Variants in ZSWIM5 observed in about 807,000 individuals in gnomAD.
ZSWIM5 encodes the protein zinc finger SWIM-type containing 5.
A neutral mutation model predicts 119.6 loss-of-function variants in ZSWIM5; 55 were observed. That is an observed-to-expected ratio of 0.46 (90% CI 0.37 to 0.58). The LOEUF (loss-of-function observed/expected upper bound fraction) is 0.58. ZSWIM5 is among the 20% of genes least tolerant of loss of function. The pLI is 0.00. For missense variants in ZSWIM5, 1,193 were observed against 1,512.8 expected, an observed-to-expected ratio of 0.79 and a Z score of 3.51; for synonymous variants, 537 against 606.9, an observed-to-expected ratio of 0.88 and a Z score of 1.69.
At chr1:45,036,011 C>G in intron 9 of ZSWIM5, 28 bp downstream of exon 9, 1 of 1,605,398 alleles carries the variant, frequency 6.2e-7, no homozygotes, top group African/African-American at 1.3e-5. Flanking sequence ...GCCAAAGACA[C>G]CGTGACAAGA....
At chr1:45,176,342 C>T (rs189502169) in intron 1 of ZSWIM5, among the ~76,000 whole-genome samples, 10 of 152,048 alleles carry the variant, frequency 6.6e-5, no homozygotes, top group Middle Eastern at 3.4e-3. Context: ...TGGCTCACTG[C>T]CACCCCCACC....
At chr1:45,164,664 A>C (rs1031926072) in intron 1 of ZSWIM5, among the ~76,000 whole-genome samples, 1 of 152,130 alleles carries the variant, frequency 6.6e-6, no homozygotes, top group Non-Finnish European at 1.5e-5. Flanking sequence ...AGGAGTTGCA[A>C]TCCTAGTCTC....
intron 11 of ZSWIM5, among the ~76,000 whole-genome samples, chr1:45,028,176 T>A (rs1288268328): frequency 6.6e-6 from 1 of 152,238 alleles, no homozygotes; most frequent in Non-Finnish European, 1.5e-5. Context: ...TTGATAATGT[T>A]CTTTGATGCA....
intron 1 of ZSWIM5, among the ~76,000 whole-genome samples, chr1:45,091,730 A>C (rs951027376): frequency 3.3e-5 from 5 of 152,012 alleles, no homozygotes; most frequent in African/African-American, 1.2e-4. Context: ...ACATAGAAAC[A>C]TTTCTGCTTT....
intron 1 of ZSWIM5, among the ~76,000 whole-genome samples, chr1:45,095,870 C>G (rs188370609): frequency 1.2e-4 from 18 of 152,180 alleles, no homozygotes; most frequent in South Asian, 2.1e-4. Flanking sequence ...ATTCTTAACA[C>G]ATTTATCTGT....
chr1:45,109,178 C>T (rs1468826804), intron 1 of ZSWIM5, among the ~76,000 whole-genome samples: 2 of 152,186 alleles, frequency 1.3e-5, no homozygotes, highest in Non-Finnish European at 2.9e-5. Flanking sequence ...CATTTTTCCA[C>T]ATTCTACAGT....
rs1205044059 is a variant in ZSWIM5 at position 45,206,546 on chromosome 1, G to T, written c.-196C>A. ...GAGCGCGCCGCGAGGGCAGACGCGGGCGGCCTGCAGGGTAGCGTGAGGCGG... is the reference window on the plus strand; with the variant it reads ...GAGCGCGCCGCGAGGGCAGACGCGGTCGGCCTGCAGGGTAGCGTGAGGCGG... On this transcript the variant is annotated 5_prime_UTR_variant, in exon 1 of 14. Transcript: ENST00000359600. The T allele has an allele frequency of 6.9e-6, 7 of 1,012,214 alleles. No individual in the cohort carries two copies. Among genetic ancestry groups the T allele is most frequent in the Non-Finnish European group, 8.2e-6 (7 of 848,930 alleles). The allele number at this position is 1,012,214 out of a possible 1,614,324, so 62.7% of individuals were successfully genotyped here.
chr1:45,096,577 G>A (rs762921582), intron 1 of ZSWIM5, among the ~76,000 whole-genome samples: 100 of 146,760 alleles, frequency 6.8e-4, no homozygotes, highest in Non-Finnish European at 1.1e-3. Context: ...CACACACACA[G>A]CCCTCAAGTG....
chr1:45,147,680 T>C (rs188446103), intron 1 of ZSWIM5, among the ~76,000 whole-genome samples: 1 of 151,826 alleles, frequency 6.6e-6, no homozygotes, highest in Non-Finnish European at 1.5e-5. Flanking sequence ...ACATTTCTTA[T>C]TTTTCCCCTT....
intron 2 of ZSWIM5, among the ~76,000 whole-genome samples, chr1:45,087,183 C>T (rs1645335906): frequency 1.3e-5 from 2 of 152,036 alleles, no homozygotes; most frequent in South Asian, 4.1e-4. Context: ...TGTGCCTGGC[C>T]CCTTCTTTAA....
At chr1:45,080,036 C>T (rs1219463329) in intron 2 of ZSWIM5, among the ~76,000 whole-genome samples, 1 of 152,128 alleles carries the variant, frequency 6.6e-6, no homozygotes, top group Non-Finnish European at 1.5e-5. Context: ...CTCTCCTCTC[C>T]TCGAGCAAAG....
chr1:45,177,367 CT>C (rs1272205069), intron 1 of ZSWIM5, among the ~76,000 whole-genome samples: 1 of 152,080 alleles, frequency 6.6e-6, no homozygotes, highest in Non-Finnish European at 1.5e-5. Context: ...CACATTGGAA[CT>C]GAAAAACCTA....
chr1:45,037,515 T>C (rs1015203015), intron 8 of ZSWIM5, among the ~76,000 whole-genome samples: 3 of 152,260 alleles, frequency 2.0e-5, no homozygotes, highest in Non-Finnish European at 4.4e-5. Flanking sequence ...TTTTTGTTTC[T>C]GTCTCTTTCA....
chr1:45,160,138 C>T (rs1282958434), intron 1 of ZSWIM5, among the ~76,000 whole-genome samples: 1 of 151,852 alleles, frequency 6.6e-6, no homozygotes, highest in Admixed American at 6.6e-5. Context: ...GATAACAATG[C>T]ATTGATTAGA....
intron 5 of ZSWIM5, among the ~76,000 whole-genome samples, chr1:45,046,489 A>T (rs955746209): frequency 2.0e-5 from 3 of 152,178 alleles, no homozygotes; most frequent in African/African-American, 7.2e-5. Context: ...ATATATGGAG[A>T]CAGGAAGACT....
intron 5 of ZSWIM5, among the ~76,000 whole-genome samples, chr1:45,047,687 T>C (rs962197846): frequency 6.6e-6 from 1 of 152,166 alleles, no homozygotes; most frequent in African/African-American, 2.4e-5. Flanking sequence ...TTTAGAAGCA[T>C]AGACTGCAAC....
chr1:45,171,900 T>C (rs930456222), intron 1 of ZSWIM5, among the ~76,000 whole-genome samples: 2 of 152,134 alleles, frequency 1.3e-5, no homozygotes, highest in Non-Finnish European at 2.9e-5. Context: ...GGAACTACAA[T>C]TGTTTCTATA....
At position 45,039,123 on chromosome 1, in the gene ZSWIM5, G is replaced by C. The variant is rs780737524; in HGVS notation, c.1757-50C>G. ...TAGACAGTGATAGAGACAAACTGCTGTCTGTCCCTGCCTGGGTCTTCTTAT... is the reference window on the plus strand; with the variant it reads ...TAGACAGTGATAGAGACAAACTGCTCTCTGTCCCTGCCTGGGTCTTCTTAT... On this transcript the variant is annotated intron_variant, in intron 7 of 13. Transcript: ENST00000359600. 6 of 1,602,212 alleles carry C rather than the reference G, an allele frequency of 3.7e-6. No individual in the cohort carries two copies. The African/African-American group carries it at 5.4e-5, about 14-fold the overall frequency.
chr1:45,103,473 G>T (rs1448369450), intron 1 of ZSWIM5, among the ~76,000 whole-genome samples: 1 of 152,206 alleles, frequency 6.6e-6, no homozygotes, highest in African/African-American at 2.4e-5. Context: ...TCTGAACACA[G>T]GTAGTCTGGC....
Sources: allele counts gnomAD v4.1 joint callset (sites outside exome capture counted in the v4.1 genomes callset), GRCh38; gene constraint gnomAD v4.1.1; transcripts MANE v1.5; gene names NCBI Gene and HGNC (gene_info 2026-07-23, HGNC 2026-07-21).